RBFOX1: variants seen among roughly 807,000 people sequenced by gnomAD.
RBFOX1 encodes the protein RNA binding fox-1 homolog 1.
In RBFOX1, 8 loss-of-function variants were observed where a neutral mutation model predicts 57.7. The ratio of observed to expected loss-of-function variants is 0.14; its 90% CI spans 0.08 to 0.25. The LOEUF (loss-of-function observed/expected upper bound fraction) is 0.25. Among genes scored for constraint, RBFOX1 ranks in the 10% least tolerant of loss-of-function variants. The pLI is 1.00. For synonymous variants in RBFOX1, 326 were observed against 222.4 expected (o/e 1.47, Z -4.15); for missense variants, 611 against 548.5 (o/e 1.11, Z -1.14).
chr16:7,698,183 G>GGTGTGTGTGTGT (rs59239865), intron 14 of RBFOX1, among the ~76,000 whole-genome samples: 153 of 136,204 alleles, frequency 1.1e-3, no homozygotes, highest in East Asian at 3.1e-3. Flanking sequence ...AGTCCAAGAG[G>GGTGTGTGTGTGT]GTGTGTGTGT....
At chr16:6,043,301 C>G (rs113312213) in intron 1 of RBFOX1, among the ~76,000 whole-genome samples, 8 of 152,184 alleles carry the variant, frequency 5.3e-5, no homozygotes, top group African/African-American at 1.7e-4. Flanking sequence ...TGTGCTAGAT[C>G]CAGGGAAGTC....
intron 1 of RBFOX1, among the ~76,000 whole-genome samples, chr16:6,173,481 A>G (rs1301093589): frequency 1.3e-5 from 2 of 150,744 alleles, no homozygotes. Context: ...ACACACACAC[A>G]CTCCACTCAC....
chr16:6,944,351 C>G (rs528282987), intron 3 of RBFOX1, among the ~76,000 whole-genome samples: 1 of 147,870 alleles, frequency 6.8e-6, no homozygotes, highest in Non-Finnish European at 1.5e-5. Context: ...GCCAAGATTG[C>G]GCCGTTGTAC....
At chr16:7,057,018 G>A (rs1377335624) in intron 4 of RBFOX1, among the ~76,000 whole-genome samples, 5 of 142,836 alleles carry the variant, frequency 3.5e-5, no homozygotes, top group East Asian at 2.1e-4. Context: ...AAACAACTTC[G>A]TTAAAGCACT....
intron 4 of RBFOX1, among the ~76,000 whole-genome samples, chr16:7,257,450 G>C (rs1183948028): frequency 6.6e-6 from 1 of 152,056 alleles, no homozygotes. Context: ...TGAAATAGCA[G>C]CCACTGGGAG....
chr16:7,262,540 G>C (rs909067818), intron 4 of RBFOX1, among the ~76,000 whole-genome samples: 7 of 152,246 alleles, frequency 4.6e-5, no homozygotes, highest in Admixed American at 2.6e-4. Flanking sequence ...GGCATGCATA[G>C]CACCCCACTT....
At chr16:5,598,956 G>A (rs1434382348) in exon 3 of RBFOX1, 9 of 1,531,824 alleles carry the variant, frequency 5.9e-6, no homozygotes, top group Non-Finnish European at 7.9e-6. Flanking sequence ...CAGCCTGCAA[G>A]ACTCCGTAAG....
At chr16:5,955,387 A>G (rs932697869) in intron 4 of RBFOX1, among the ~76,000 whole-genome samples, 3 of 72,280 alleles carry the variant, frequency 4.2e-5, no homozygotes, top group Non-Finnish European at 9.2e-5. Flanking sequence ...AAAATAAAAT[A>G]AAATAAAATA....
chr16:5,715,662 A>G (rs1191342780), intron 3 of RBFOX1, among the ~76,000 whole-genome samples: 2 of 152,208 alleles, frequency 1.3e-5, no homozygotes, highest in South Asian at 2.1e-4. Flanking sequence ...CATGAAGGCT[A>G]AAGGCTTGCC....
chr16:7,419,687 C>T (rs567962349), intron 4 of RBFOX1, among the ~76,000 whole-genome samples: 5 of 152,266 alleles, frequency 3.3e-5, no homozygotes, highest in South Asian at 2.1e-4. Context: ...CTTGCTCTCC[C>T]GACCCTCCAG....
At chr16:7,003,386 G>C (rs545827419) in intron 3 of RBFOX1, among the ~76,000 whole-genome samples, 2 of 152,072 alleles carry the variant, frequency 1.3e-5, no homozygotes, top group African/African-American at 4.8e-5. Flanking sequence ...CTTAGACCTG[G>C]GAGGCGGAGG....
chr16:5,425,837 T>C (rs1353608503), intron 1 of RBFOX1, among the ~76,000 whole-genome samples: 1 of 152,178 alleles, frequency 6.6e-6, no homozygotes, highest in African/African-American at 2.4e-5. Context: ...GGCGGGCTCA[T>C]TCCAGCTCTT....
At chr16:5,719,639 T>A (rs1489325881) in intron 3 of RBFOX1, among the ~76,000 whole-genome samples, 1 of 152,168 alleles carries the variant, frequency 6.6e-6, no homozygotes, top group Non-Finnish European at 1.5e-5. Flanking sequence ...TTCTAGATAT[T>A]TCATATAGAA....
chr16:6,635,711 A>C (rs1282796914), intron 2 of RBFOX1, among the ~76,000 whole-genome samples: 2 of 152,170 alleles, frequency 1.3e-5, no homozygotes, highest in African/African-American at 2.4e-5. Context: ...TTATTTTTGG[A>C]AAATCATGCT....
intron 3 of RBFOX1, among the ~76,000 whole-genome samples, chr16:6,939,207 T>C (rs1186575796): frequency 6.6e-6 from 1 of 152,148 alleles, no homozygotes; most frequent in Non-Finnish European, 1.5e-5. Flanking sequence ...TTTATTAGGT[T>C]TTGAAATTTG....
chr16:7,508,185 G>C (rs377125221), intron 4 of RBFOX1, among the ~76,000 whole-genome samples: 139 of 150,688 alleles, frequency 9.2e-4, no homozygotes, highest in African/African-American at 3.2e-3. Flanking sequence ...TGGAGTTTTA[G>C]CAGGTTGGCC....
chr16:6,111,765 A>G (rs991378977), intron 1 of RBFOX1, among the ~76,000 whole-genome samples: 7 of 152,204 alleles, frequency 4.6e-5, no homozygotes, highest in African/African-American at 1.7e-4. Context: ...TTGTTTGGGT[A>G]TAGGTAGTGG....
chr16:6,697,719 A>T (rs933990594), intron 3 of RBFOX1, among the ~76,000 whole-genome samples: 1 of 152,174 alleles, frequency 6.6e-6, no homozygotes. Context: ...TCCTTCCCCA[A>T]AGAAACAGGC....
At chr16:6,859,135 A>ATATATACGTATATATATACG (rs2058480212) in intron 3 of RBFOX1, among the ~76,000 whole-genome samples, 1 of 102,764 alleles carries the variant, frequency 9.7e-6, no homozygotes, top group African/African-American at 4.6e-5. Flanking sequence ...ATATACATAT[A>ATATATACGTATATATATACG]TATACGTATA....
Sources: gnomAD v4.1 joint callset for allele counts (sites outside exome capture counted in the v4.1 genomes callset) on GRCh38, gnomAD v4.1.1 for gene constraint, MANE v1.5 for transcripts, NCBI Gene and HGNC (gene_info 2026-07-23, HGNC 2026-07-21) for gene names.